NALCN: variants seen among roughly 807,000 people sequenced by gnomAD.
NALCN encodes sodium leak channel, non-selective.
In NALCN, 111 loss-of-function variants were observed where a neutral mutation model predicts 225.3. The observed-to-expected ratio is 0.49, with a 90% confidence interval of 0.42 to 0.58. The LOEUF (loss-of-function observed/expected upper bound fraction) is 0.58. Among genes scored for constraint, NALCN ranks in the 20% least tolerant of loss-of-function variants. NALCN has a pLI of 0.00. For missense variants in NALCN, 1,378 were observed against 2,202.4 expected (o/e 0.63, Z 7.49); for synonymous variants, 764 against 769.0 (o/e 0.99, Z 0.11).
chr13:101,214,057 T>G (rs1219263430), intron 13 of NALCN, among the ~76,000 whole-genome samples: 1 of 152,300 alleles, frequency 6.6e-6, no homozygotes, highest in African/African-American at 2.4e-5. Flanking sequence ...TGTCCAACAA[T>G]GATAGACTGG....
chr13:101,251,852 C>T (rs542245808), intron 11 of NALCN, among the ~76,000 whole-genome samples: 5 of 152,220 alleles, frequency 3.3e-5, no homozygotes, highest in South Asian at 2.1e-4. Context: ...CTTCTCTCAG[C>T]GAACTAGCAC....
chr13:101,281,347 CTG>C (rs1243843445), intron 10 of NALCN, among the ~76,000 whole-genome samples: 1 of 152,126 alleles, frequency 6.6e-6, no homozygotes, highest in Non-Finnish European at 1.5e-5. Context: ...AGTGTGGAGA[CTG>C]TGCATGTTTC....
chr13:101,102,809 T>G (rs2034894775), intron 26 of NALCN, among the ~76,000 whole-genome samples: 1 of 152,210 alleles, frequency 6.6e-6, no homozygotes, highest in South Asian at 2.1e-4. Flanking sequence ...AAGCATGAAT[T>G]CCTAATCCCA....
chr13:101,402,883 G>A (rs1008409653), intron 1 of NALCN, among the ~76,000 whole-genome samples: 4 of 152,134 alleles, frequency 2.6e-5, no homozygotes, highest in Admixed American at 1.3e-4. Flanking sequence ...CATGTGCAGC[G>A]GGAAGGCCCA....
At chr13:101,095,323 A>G (rs1566806898) in intron 28 of NALCN, among the ~76,000 whole-genome samples, 2 of 152,208 alleles carry the variant, frequency 1.3e-5, no homozygotes, top group African/African-American at 4.8e-5. Context: ...TTTCTGAAGT[A>G]TTAGAAAAAT....
chr13:101,305,456 T>C (rs2044123927), intron 7 of NALCN, among the ~76,000 whole-genome samples: 2 of 152,238 alleles, frequency 1.3e-5, no homozygotes, highest in South Asian at 2.1e-4. Flanking sequence ...TACATAGACA[T>C]TTTAGCAAGA....
intron 6 of NALCN, among the ~76,000 whole-genome samples, chr13:101,375,866 C>G (rs2046674455): frequency 6.6e-6 from 1 of 152,086 alleles, no homozygotes; most frequent in Non-Finnish European, 1.5e-5. Flanking sequence ...CTAGCTAACA[C>G]CTAATGGGAC....
intron 17 of NALCN, among the ~76,000 whole-genome samples, chr13:101,137,662 T>A (rs1444318125): frequency 6.6e-6 from 1 of 152,144 alleles, no homozygotes; most frequent in African/African-American, 2.4e-5. Context: ...CAGACTTAGG[T>A]ACCATAAGGA....
At chr13:101,367,805 A>G (rs2046419147) in intron 6 of NALCN, among the ~76,000 whole-genome samples, 1 of 152,036 alleles carries the variant, frequency 6.6e-6, no homozygotes, top group Non-Finnish European at 1.5e-5. Context: ...ATTTTATTTT[A>G]GGTTTCAGCT....
chr13:101,268,696 A>G (rs1003018175), intron 10 of NALCN, among the ~76,000 whole-genome samples: 1 of 152,230 alleles, frequency 6.6e-6, no homozygotes, highest in Admixed American at 6.5e-5. Context: ...AGATACAAAT[A>G]TATCAGTTAA....
intron 14 of NALCN, chr13:101,181,321 C>T (rs779172320): frequency 9.6e-6 from 5 of 518,722 alleles, no homozygotes; most frequent in South Asian, 2.8e-5. Context: ...ACAGAGGTCA[C>T]GGATAAGAGA....
chr13:101,112,047 T>G (rs184865180), intron 18 of NALCN, among the ~76,000 whole-genome samples: 1 of 152,214 alleles, frequency 6.6e-6, no homozygotes, highest in East Asian at 1.9e-4. Flanking sequence ...TAGGAAAACA[T>G]AAGCTTACAA....
At chr13:101,264,692 G>A (rs1208139640) in intron 10 of NALCN, among the ~76,000 whole-genome samples, 1 of 152,124 alleles carries the variant, frequency 6.6e-6, no homozygotes, top group Non-Finnish European at 1.5e-5. Flanking sequence ...AAGATTATTT[G>A]CAACTTCACA....
intron 6 of NALCN, among the ~76,000 whole-genome samples, chr13:101,369,165 A>AGTGTGTGTGTGTGT (rs2046465748): frequency 9.6e-6 from 1 of 103,826 alleles, no homozygotes; most frequent in African/African-American, 3.7e-5. Flanking sequence ...AGACAAAATA[A>AGTGTGTGTGTGTGT]ATGTGTGTGT....
intron 13 of NALCN, among the ~76,000 whole-genome samples, chr13:101,192,807 T>C (rs928704506): frequency 6.6e-6 from 1 of 152,214 alleles, no homozygotes; most frequent in Non-Finnish European, 1.5e-5. Flanking sequence ...TATATGTGTA[T>C]CTGTGAGTCT....
At chr13:101,345,220 C>A in intron 7 of NALCN, 46 bp downstream of exon 7, 1 of 1,578,260 alleles carries the variant, frequency 6.3e-7, no homozygotes. Context: ...ACTTCATAAA[C>A]ATCACAAAAT....
chr13:101,211,264 T>A (rs2040512346), intron 13 of NALCN, among the ~76,000 whole-genome samples: 2 of 152,124 alleles, frequency 1.3e-5, no homozygotes, highest in Non-Finnish European at 2.9e-5. Context: ...GTTGGGAAAT[T>A]GCAAATAAGA....
intron 2 of NALCN, 120 bp from the exon 3 acceptor site, chr13:101,395,485 TGAA>T (rs2047265350): frequency 1.2e-5 from 11 of 881,930 alleles, no homozygotes; most frequent in Non-Finnish European, 1.6e-5. Flanking sequence ...AATGTGGAGG[TGAA>T]GAAGAAGAAA....
At chr13:101,284,920 C>T (rs568935030) in intron 9 of NALCN, among the ~76,000 whole-genome samples, 169 of 152,086 alleles carry the variant, frequency 1.1e-3, no homozygotes, top group Non-Finnish European at 2.0e-3. Context: ...TTCTTAGGAG[C>T]GAGTGTGTGT....
Sources: gnomAD v4.1 joint callset for allele counts (sites outside exome capture counted in the v4.1 genomes callset) on GRCh38, gnomAD v4.1.1 for gene constraint, MANE v1.5 for transcripts, NCBI Gene and HGNC (gene_info 2026-07-23, HGNC 2026-07-21) for gene names.